SLC25A42: variants seen among roughly 807,000 people sequenced by gnomAD.
SLC25A42 encodes mitochondrial coenzyme A transporter SLC25A42.
Under a neutral mutation model 34.7 loss-of-function variants are expected in SLC25A42, and 19 were observed. That is an observed-to-expected ratio of 0.55 (90% confidence interval 0.38 to 0.80). SLC25A42 has a LOEUF of 0.80. Ranked by LOEUF, SLC25A42 falls within the 30% of genes least tolerant of loss-of-function variation. SLC25A42 has a pLI of 0.00. For synonymous variants in SLC25A42, 205 were observed against 191.2 expected (o/e 1.07, Z -0.59); for missense variants, 364 against 441.3 (o/e 0.82, Z 1.57).
chr19:19,097,475 G>A (rs1335446273), intron 2 of SLC25A42, among the ~76,000 whole-genome samples: 1 of 152,250 alleles, frequency 6.6e-6, no homozygotes, highest in African/African-American at 2.4e-5. Flanking sequence ...ATCCCACCAC[G>A]TGGACAAGCT....
intron 2 of SLC25A42, among the ~76,000 whole-genome samples, chr19:19,098,735 C>T (rs1366942721): frequency 3.9e-5 from 6 of 152,172 alleles, no homozygotes; most frequent in Admixed American, 2.6e-4. Flanking sequence ...GCCTGGGCAA[C>T]GTGGAGAAAC....
intron 1 of SLC25A42, among the ~76,000 whole-genome samples, chr19:19,082,765 A>G (rs950445983): frequency 6.6e-6 from 1 of 151,716 alleles, no homozygotes; most frequent in Non-Finnish European, 1.5e-5. Context: ...GGCTCAAGCC[A>G]TCCTCCCATC....
At chr19:19,108,620 G>A (rs938073756) in intron 7 of SLC25A42, among the ~76,000 whole-genome samples, 4 of 151,726 alleles carry the variant, frequency 2.6e-5, no homozygotes, top group Admixed American at 2.0e-4. Context: ...ACCTCTTCAC[G>A]AGCACACACG....
chr19:19,071,168 G>A (rs537732966), intron 1 of SLC25A42, among the ~76,000 whole-genome samples: 24 of 151,810 alleles, frequency 1.6e-4, no homozygotes, highest in African/African-American at 5.3e-4. Flanking sequence ...CACCAAGCCC[G>A]GCTAACTTTT....
intron 1 of SLC25A42, among the ~76,000 whole-genome samples, chr19:19,066,658 A>G (rs1295599691): frequency 6.6e-6 from 1 of 151,810 alleles, no homozygotes. Context: ...TCACTGTGTT[A>G]GCCAGGATGG....
intron 1 of SLC25A42, among the ~76,000 whole-genome samples, chr19:19,093,090 G>A (rs757221): frequency 0.77 from 117,221 of 152,104 alleles, 45,761 homozygotes; most frequent in East Asian, 0.91. Flanking sequence ...CTGAAATCAC[G>A]GCTCATTGAA....
intron 1 of SLC25A42, among the ~76,000 whole-genome samples, chr19:19,077,042 C>T (rs527415439): frequency 1.3e-5 from 2 of 151,954 alleles, no homozygotes; most frequent in Non-Finnish European, 2.9e-5. Context: ...AATTTAGCTG[C>T]GCATGGTGGC....
intron 6 of SLC25A42, among the ~76,000 whole-genome samples, chr19:19,107,593 T>C (rs1248452791): frequency 6.6e-6 from 1 of 152,000 alleles, no homozygotes; most frequent in Non-Finnish European, 1.5e-5. Flanking sequence ...ACTGTGACAC[T>C]ACACTCCAGC....
chr19:19,109,361 C>T lies in SLC25A42; in HGVS notation c.650-1208C>T, dbSNP rs182289976. 3.2e-4 allele frequency among the ~76,000 whole-genome samples: 48 copies of T among 152,348 alleles called. No homozygotes were observed. The highest frequency in any genetic ancestry group is 6.0e-4 in the Non-Finnish European group (41 of 68,030). ...AGTGCTTTCCAGCCCCTTGACCCCA[C>T]GTTCTCACCCCACGTGATGCCATCA... On this transcript the variant is annotated intron_variant, in intron 7 of 7. Transcript: ENST00000318596. The surrounding 1 kb of genome is among the most constrained non-coding windows in gnomAD (Gnocchi z 4.1).
chr19:19,064,940 A>G (rs1438925235), intron 1 of SLC25A42, among the ~76,000 whole-genome samples: 1 of 152,102 alleles, frequency 6.6e-6, no homozygotes, highest in Non-Finnish European at 1.5e-5. Context: ...GAATAATCCC[A>G]TCTGTCAGAC....
At chr19:19,065,278 G>A (rs2059595778) in intron 1 of SLC25A42, among the ~76,000 whole-genome samples, 1 of 152,088 alleles carries the variant, frequency 6.6e-6, no homozygotes, top group Non-Finnish European at 1.5e-5. Context: ...CCGGGGCCGG[G>A]GCTCCCAGCT....
At chr19:19,070,099 T>C (rs2059621180) in intron 1 of SLC25A42, among the ~76,000 whole-genome samples, 1 of 151,994 alleles carries the variant, frequency 6.6e-6, no homozygotes, top group African/African-American at 2.4e-5. Context: ...GTTCACACCA[T>C]TCTCCTGCCT....
At chr19:19,092,250 G>T (rs1284030557) in intron 1 of SLC25A42, among the ~76,000 whole-genome samples, 1 of 152,178 alleles carries the variant, frequency 6.6e-6, no homozygotes, top group Non-Finnish European at 1.5e-5. Flanking sequence ...TTTCCTAAAA[G>T]CGTCACATTC....
At chr19:19,091,475 A>G (rs2059615193) in intron 1 of SLC25A42, among the ~76,000 whole-genome samples, 1 of 152,052 alleles carries the variant, frequency 6.6e-6, no homozygotes, top group Admixed American at 6.6e-5. Flanking sequence ...AAAATAAAAT[A>G]AATAAAAATA....
At chr19:19,095,447 C>G (rs2059759516) in intron 1 of SLC25A42, among the ~76,000 whole-genome samples, 1 of 152,052 alleles carries the variant, frequency 6.6e-6, no homozygotes, top group Non-Finnish European at 1.5e-5. Context: ...AACCCCATCT[C>G]TACTAAAAAT....
chr19:19,077,842 G>A (rs537829765), intron 1 of SLC25A42, among the ~76,000 whole-genome samples: 61 of 152,140 alleles, frequency 4.0e-4, no homozygotes, highest in African/African-American at 1.5e-3. Flanking sequence ...AGCTGAGATC[G>A]TGCCATTGCA....
rs576479029 is a variant in SLC25A42 at position 19,106,175 on chromosome 19, G to T, written c.381-94G>T. On this transcript the variant is annotated intron_variant, in intron 5 of 7. Transcript: ENST00000318596. ...TTCCTCGGTCCCCACCCCTGTCCCC[G>T]CCCCAGCAGAGACGTGCGGGTGCTC... 4 of 1,072,700 alleles carry T rather than the reference G, an allele frequency of 3.7e-6. No homozygotes were observed. In the East Asian group the frequency reaches 1.0e-4, roughly 27 times the overall value. The allele number at this position is 1,072,700 out of a possible 1,614,324, so 66.4% of individuals were successfully genotyped here. A position where few individuals can be genotyped will look rare whatever the true frequency, so the allele number is the denominator to read the frequency against.
chr19:19,096,337 T>A (rs372259678), intron 2 of SLC25A42, 132 bp downstream of exon 2: 1 of 663,936 alleles, frequency 1.5e-6, no homozygotes. Context: ...TCCTCTGCTG[T>A]GCTCCATGCA....
intron 2 of SLC25A42, among the ~76,000 whole-genome samples, chr19:19,096,770 C>G (rs916992341): frequency 6.6e-6 from 1 of 152,072 alleles, no homozygotes; most frequent in African/African-American, 2.4e-5. Flanking sequence ...AACCCCGTCT[C>G]TACTAAAAAT....
Sources: allele counts gnomAD v4.1 joint callset (sites outside exome capture counted in the v4.1 genomes callset), GRCh38; gene constraint gnomAD v4.1.1; non-coding constraint Gnocchi (gnomAD v3.1); transcripts MANE v1.5; gene names NCBI Gene and HGNC (gene_info 2026-07-23, HGNC 2026-07-21).